Variants in MAPK10 observed in about 807,000 individuals in gnomAD.
MAPK10 encodes JNK3 alpha protein kinase.
MAPK10 carries 25 observed loss-of-function variants against 59.3 expected under a neutral mutation model. The ratio of observed to expected loss-of-function variants is 0.42; its 90% CI spans 0.31 to 0.59. The LOEUF is 0.59. Among genes scored for constraint, MAPK10 ranks in the 20% least tolerant of loss-of-function variants. The pLI is 0.15. For missense variants in MAPK10, 351 were observed against 568.9 expected (o/e 0.62, Z 3.90); for synonymous variants, 190 against 200.5 (o/e 0.95, Z 0.44).
At chr4:86,150,678 G>A (rs889704915) in intron 4 of MAPK10, among the ~76,000 whole-genome samples, 6 of 152,160 alleles carry the variant, frequency 3.9e-5, no homozygotes, top group African/African-American at 9.6e-5. Flanking sequence ...TGGCTAACAC[G>A]GTGAAACCCC....
chr4:86,332,395 G>T (rs146024978), intron 2 of MAPK10: 12 of 152,108 alleles, frequency 7.9e-5, no homozygotes, highest in African/African-American at 2.6e-4. Context: ...GTGGATTTAG[G>T]ATTGGGAAGA....
chr4:86,051,828 AC>A (rs2043592763), intron 11 of MAPK10, among the ~76,000 whole-genome samples: 1 of 152,154 alleles, frequency 6.6e-6, no homozygotes, highest in Non-Finnish European at 1.5e-5. Context: ...CAACATAACC[AC>A]CTTCTTAGAT....
chr4:86,284,077 TTAA>T (rs1253376804), intron 2 of MAPK10, among the ~76,000 whole-genome samples: 1 of 152,194 alleles, frequency 6.6e-6, no homozygotes, highest in Non-Finnish European at 1.5e-5. Flanking sequence ...TTTCAACAAT[TTAA>T]TAATAATAGC....
intron 2 of MAPK10, among the ~76,000 whole-genome samples, chr4:86,338,585 T>TAC (rs1722997632): frequency 6.6e-6 from 1 of 152,180 alleles, no homozygotes; most frequent in Admixed American, 6.5e-5. Context: ...CTTAGATAAA[T>TAC]ACACAGCAGT....
chr4:86,071,293 C>A (rs1184711663), intron 9 of MAPK10, among the ~76,000 whole-genome samples: 1 of 147,332 alleles, frequency 6.8e-6, no homozygotes, highest in Non-Finnish European at 1.5e-5. Flanking sequence ...TGGATATTAG[C>A]CCTTTGTCAG....
At chr4:86,340,411 G>T in intron 2 of MAPK10, 1 of 152,940 alleles carries the variant, frequency 6.5e-6, no homozygotes, top group South Asian at 2.0e-4. Context: ...AGGTGAAGGG[G>T]AAGCAAGTTC....
intron 9 of MAPK10, among the ~76,000 whole-genome samples, chr4:86,071,255 T>C (rs1400867492): frequency 2.0e-5 from 3 of 151,790 alleles, no homozygotes; most frequent in African/African-American, 7.3e-5. Flanking sequence ...TTTTTTCTTG[T>C]AAATTTGTTT....
intron 9 of MAPK10, chr4:86,091,536 ATTTTTTTTTTT>A (rs71657508): frequency 5.9e-5 from 4 of 67,416 alleles, no homozygotes; most frequent in East Asian, 5.5e-4. Context: ...AAATCCCTTG[ATTTTTTTTTTT>A]TTTTTTTTTT....
intron 2 of MAPK10, among the ~76,000 whole-genome samples, chr4:86,226,555 T>C (rs2090660264): frequency 6.6e-6 from 1 of 152,232 alleles, no homozygotes; most frequent in African/African-American, 2.4e-5. Flanking sequence ...GCATTAAACC[T>C]TGAATATATT....
chr4:86,382,885 C>G (rs1348661110), intron 1 of MAPK10, among the ~76,000 whole-genome samples: 1 of 152,158 alleles, frequency 6.6e-6, no homozygotes, highest in Non-Finnish European at 1.5e-5. Context: ...TCCTTGGGTT[C>G]ACATCACTGC....
rs72665720 is a variant in MAPK10 at position 86,504,657 on chromosome 4, T to C, written c.-263+89253A>G. Reference sequence around the variant, plus strand: ...CTATAAACATTCACACCTGTTCCTTTGCTAATATGTGTATCTTAACTAGCA... The same window carrying C: ...CTATAAACATTCACACCTGTTCCTTCGCTAATATGTGTATCTTAACTAGCA... On this transcript the variant is annotated intron_variant, in intron 1 of 4. Coordinates refer to the MAPK10 transcript ENST00000502302. Among the ~76,000 whole-genome samples the C allele has an allele frequency of 3.3e-3, 495 of 152,296 alleles. 1 individual carries two copies. The highest frequency in any genetic ancestry group is 5.8e-3 in the Non-Finnish European group (393 of 68,014).
At chr4:86,261,066 T>C (rs764793674) in intron 2 of MAPK10, among the ~76,000 whole-genome samples, 1 of 152,192 alleles carries the variant, frequency 6.6e-6, no homozygotes, top group African/African-American at 2.4e-5. Context: ...CATATTTCAA[T>C]GGCTATGCTA....
chr4:86,297,894 T>C (rs2095398611), intron 2 of MAPK10, among the ~76,000 whole-genome samples: 1 of 152,186 alleles, frequency 6.6e-6, no homozygotes, highest in African/African-American at 2.4e-5. Flanking sequence ...GCATAGAAGA[T>C]CTCTCATGAC....
chr4:86,535,814 G>A (rs2149093094), intron 1 of MAPK10, among the ~76,000 whole-genome samples: 1 of 152,258 alleles, frequency 6.6e-6, no homozygotes, highest in East Asian at 1.9e-4. Context: ...CAAATTCCCA[G>A]GGCTGAAATT....
intron 1 of MAPK10, among the ~76,000 whole-genome samples, chr4:86,423,214 A>C (rs1214891489): frequency 6.6e-6 from 1 of 152,184 alleles, no homozygotes; most frequent in Non-Finnish European, 1.5e-5. Context: ...AATTTTCCTC[A>C]TTATTATCAT....
At chr4:86,534,780 C>T (rs1226824708) in intron 1 of MAPK10, among the ~76,000 whole-genome samples, 4 of 152,028 alleles carry the variant, frequency 2.6e-5, no homozygotes, top group African/African-American at 9.7e-5. Context: ...GTGGCACACA[C>T]CTGTAATCCC....
chr4:86,482,366 C>CTTG (rs1433792318), intron 1 of MAPK10, among the ~76,000 whole-genome samples: 3 of 152,062 alleles, frequency 2.0e-5, no homozygotes, highest in Non-Finnish European at 4.4e-5. Context: ...GTCAGTCCAC[C>CTTG]AACATAAATC....
intron 3 of MAPK10, among the ~76,000 whole-genome samples, chr4:86,176,659 C>G (rs190088843): frequency 2.6e-5 from 4 of 151,040 alleles, no homozygotes; most frequent in Non-Finnish European, 4.4e-5. Flanking sequence ...AAAAACTGCT[C>G]AGCATATAAA....
intron 2 of MAPK10, among the ~76,000 whole-genome samples, chr4:86,247,397 A>G (rs1002355018): frequency 2.0e-5 from 3 of 152,166 alleles, no homozygotes; most frequent in Non-Finnish European, 2.9e-5. Flanking sequence ...GGTCCTGTTA[A>G]TATACATTTT....
Sources: allele counts gnomAD v4.1 joint callset (sites outside exome capture counted in the v4.1 genomes callset), GRCh38; gene constraint gnomAD v4.1.1; transcripts MANE v1.5; gene names NCBI Gene and HGNC (gene_info 2026-07-23, HGNC 2026-07-21).